SUDS3: variants seen among roughly 807,000 people sequenced by gnomAD.
SUDS3 encodes sin3 histone deacetylase corepressor complex component SDS3.
In SUDS3, 23 loss-of-function variants were observed where a neutral mutation model predicts 53.5. The observed-to-expected ratio is 0.43, with a 90% CI of 0.31 to 0.61. The LOEUF (loss-of-function observed/expected upper bound fraction) is 0.61. Ranked by LOEUF, SUDS3 falls within the 20% of genes least tolerant of loss-of-function variation. The pLI, the probability that SUDS3 is intolerant of heterozygous loss-of-function variation, is 0.10. For missense variants in SUDS3, 291 were observed against 405.9 expected, an observed-to-expected ratio of 0.72 and a Z score of 2.43; for synonymous variants, 150 against 148.5, an observed-to-expected ratio of 1.01 and a Z score of -0.08.
chr12:118,397,812 G>C (rs149762708), intron 6 of SUDS3, among the ~76,000 whole-genome samples: 2 of 151,894 alleles, frequency 1.3e-5, no homozygotes, highest in African/African-American at 4.8e-5. Flanking sequence ...TTCAGTGGCC[G>C]TGATTGGCCT....
rs1331003436 is a variant in SUDS3, at chr12:118,403,527, G to T, written c.803+10G>T. 1 of 1,604,316 alleles carries T rather than the reference G, an allele frequency of 6.2e-7. No individual in the cohort carries two copies. On this transcript the variant is annotated intron_variant, in intron 10 of 11. Coordinates refer to ENST00000543473, the MANE Select transcript of SUDS3 (RefSeq NM_022491.3). ...ACTATGACAAAAGATGGTATGTTAT[G>T]GGAAAACCTGGACTAGTAAGAGTCT...
intron 6 of SUDS3, 133 bp from the exon 7 acceptor site, chr12:118,400,526 A>G (rs1347272413): frequency 2.6e-6 from 2 of 780,666 alleles, no homozygotes; most frequent in Non-Finnish European, 4.3e-6. Context: ...GGCTACGACC[A>G]TGTGTAGAAC....
At chr12:118,412,426 T>C (rs552965406) in intron 11 of SUDS3, among the ~76,000 whole-genome samples, 1 of 152,288 alleles carries the variant, frequency 6.6e-6, no homozygotes, top group South Asian at 2.1e-4. Flanking sequence ...GAATTGAAAA[T>C]GCCCTGAAAT....
chr12:118,383,490 C>T (rs960022635), intron 2 of SUDS3, among the ~76,000 whole-genome samples: 1 of 152,198 alleles, frequency 6.6e-6, no homozygotes, highest in Non-Finnish European at 1.5e-5. Context: ...ACTTTTCTTT[C>T]TGAATTACTA....
At chr12:118,391,053 A>C (rs771527398) in intron 5 of SUDS3, 73 bp from the exon 6 acceptor site, 2 of 1,564,004 alleles carry the variant, frequency 1.3e-6, no homozygotes, top group Non-Finnish European at 1.8e-6. Context: ...AGTTGAGGAC[A>C]GGGCTAGACT....
intron 5 of SUDS3, 115 bp downstream of exon 5, chr12:118,390,061 A>C: frequency 7.7e-7 from 1 of 1,305,134 alleles, no homozygotes; most frequent in South Asian, 1.2e-5. Context: ...AGCCTTCACC[A>C]CTGTTCTGTT....
At chr12:118,380,946 G>T (rs570502390) in intron 2 of SUDS3, among the ~76,000 whole-genome samples, 1 of 152,104 alleles carries the variant, frequency 6.6e-6, no homozygotes, top group Non-Finnish European at 1.5e-5. Context: ...CTCGTGATCC[G>T]CCCACCTTGG....
At position 118,417,701 on chromosome 12, in the gene SUDS3, CAATA is replaced by C. The variant is rs1354370889; in HGVS notation, c.*3271_*3274del. ...GGTTTTTTTTTTTTTTTAAAGAAAA[CAATA>C]AACTTTCAAAGAGAAAACCAGCATG... On this transcript the variant is annotated 3_prime_UTR_variant, in exon 12 of 12. Transcript: ENST00000543473. 7.1e-6 allele frequency: 1 copy of C among 140,716 alleles called. No homozygotes were observed. Among genetic ancestry groups the C allele is most frequent in the Non-Finnish European group, 1.5e-5 (1 of 64,608 alleles). The allele number at this position is 140,716 out of a possible 1,614,324, so 8.7% of individuals were successfully genotyped here.
At chr12:118,381,303 C>A (rs1045860304) in intron 2 of SUDS3, among the ~76,000 whole-genome samples, 2 of 152,004 alleles carry the variant, frequency 1.3e-5, no homozygotes, top group Non-Finnish European at 2.9e-5. Context: ...CTCCCAGGTT[C>A]AAGTGATTCT....
intron 4 of SUDS3, among the ~76,000 whole-genome samples, chr12:118,387,563 T>G (rs2141366959): frequency 6.6e-6 from 1 of 152,144 alleles, no homozygotes. Context: ...TGTTCTTTTT[T>G]TTTTTTGAGA....
At chr12:118,380,280 CTT>C (rs772475473) in intron 2 of SUDS3, 49 bp downstream of exon 2, 44 of 1,484,310 alleles carry the variant, frequency 3.0e-5, no homozygotes, top group Non-Finnish European at 3.9e-5. Flanking sequence ...TTGACAACAT[CTT>C]TATATAGATT....
intron 9 of SUDS3, among the ~76,000 whole-genome samples, chr12:118,403,175 C>T (rs2046279024): frequency 6.6e-6 from 1 of 152,140 alleles, no homozygotes; most frequent in Non-Finnish European, 1.5e-5. Flanking sequence ...TTCCTGAAAC[C>T]CAGGTGTCTC....
intron 6 of SUDS3, among the ~76,000 whole-genome samples, chr12:118,393,548 T>C (rs1402824473): frequency 1.3e-5 from 2 of 152,226 alleles, no homozygotes; most frequent in Admixed American, 1.3e-4. Context: ...GGAAGAATTA[T>C]AGGTCAGTGC....
intron 10 of SUDS3, among the ~76,000 whole-genome samples, chr12:118,410,021 G>C (rs1157916953): frequency 6.6e-6 from 1 of 152,244 alleles, no homozygotes; most frequent in East Asian, 1.9e-4. Context: ...AACTGTCCAG[G>C]CCAAATTAGA....
In SUDS3 at chr12:118,384,022, G is replaced by A. The variant is rs752009155; in HGVS notation, c.223G>A (p.Asp75Asn). 1.2e-6 allele frequency: 2 copies of A among 1,613,176 alleles called. No individual in the cohort carries two copies. The highest frequency in any genetic ancestry group is 2.2e-5 in the South Asian group (2 of 91,032). ...TTTTTTTTTTTATAGGATGTATCAG[G>A]ACAAACTGGCTTCTCTCAAGAGGCA... ...YVEMKEQMYQDKLASLKRQLQ... is the reference protein window; with the variant it reads ...YVEMKEQMYQNKLASLKRQLQ... The change falls in exon 3 of 12, where the codon GAC becomes AAC. Residue 75 changes from aspartate (D) to asparagine (N), a missense_variant. Coordinates refer to ENST00000543473, the MANE Select transcript of SUDS3 (RefSeq NM_022491.3).
At chr12:118,398,029 C>T (rs2046231208) in intron 6 of SUDS3, among the ~76,000 whole-genome samples, 1 of 152,200 alleles carries the variant, frequency 6.6e-6, no homozygotes, top group South Asian at 2.1e-4. Context: ...CAGTGTTGCA[C>T]AGCCTCACAG....
At position 118,376,639 on chromosome 12, in the gene SUDS3, G is replaced by C; in HGVS notation, c.-53G>C. ...CTGCTAGGCAGACGGCGAGTACCGA[G>C]CGCGGGTGGCCGCGGTGTCCGTGGG... On this transcript the variant is annotated 5_prime_UTR_variant, in exon 1 of 12. Coordinates refer to ENST00000543473, the MANE Select transcript of SUDS3 (RefSeq NM_022491.3). The C allele has an allele frequency of 3.5e-6, 5 of 1,409,848 alleles. No individual in the cohort carries two copies. Among genetic ancestry groups the C allele is most frequent in the Non-Finnish European group, 4.6e-6 (5 of 1,089,876 alleles). The allele number at this position is 1,409,848 out of a possible 1,614,324, so 87.3% of individuals were successfully genotyped here.
intron 10 of SUDS3, among the ~76,000 whole-genome samples, chr12:118,406,472 C>T (rs974132928): frequency 2.6e-5 from 4 of 152,098 alleles, no homozygotes; most frequent in African/African-American, 9.7e-5. Flanking sequence ...TTGTGTCCAC[C>T]TTCTTAAGAA....
chr12:118,402,178 CT>C lies in SUDS3; in HGVS notation c.697+183del, dbSNP rs200388274. 1.1e-4 allele frequency: 69 copies of C among 602,272 alleles called. 1 individual carries two copies. The highest frequency in any genetic ancestry group is 2.7e-4 in the Middle Eastern group (1 of 3,696). 37.3% of individuals were successfully genotyped at this position (602,272 alleles called of 1,614,324 possible). A position where few individuals can be genotyped will look rare whatever the true frequency, so the allele number is the denominator to read the frequency against. ...CCTTAACTATACCCCTCCCTGATTT[CT>C]TTTTTTTTCATAACCCCTGCTTTGT... On this transcript the variant is annotated intron_variant, in intron 9 of 11. Transcript: ENST00000543473.
Sources: gnomAD v4.1 joint callset for allele counts (sites outside exome capture counted in the v4.1 genomes callset) on GRCh38, gnomAD v4.1.1 for gene constraint, MANE v1.5 for transcripts, NCBI Gene and HGNC (gene_info 2026-07-23, HGNC 2026-07-21) for gene names.